Variants in UMAD1 observed in about 807,000 individuals in gnomAD.
The protein encoded by UMAD1 is UBAP1-MVB12-associated (UMA) domain containing 1.
UMAD1 carries 8 observed loss-of-function variants against 6.1 expected under a neutral mutation model. The ratio of observed to expected loss-of-function variants is 1.30; its 90% confidence interval spans 0.76 to 2.35. The LOEUF (loss-of-function observed/expected upper bound fraction) is 2.35. Among genes scored for constraint, UMAD1 ranks in the 30% most tolerant of loss-of-function variants. UMAD1 has a pLI of 0.00. For missense variants in UMAD1, 130 were observed against 78.4 expected, an observed-to-expected ratio of 1.66 and a Z score of -2.49; for synonymous variants, 56 against 31.4, an observed-to-expected ratio of 1.78 and a Z score of -2.61.
intron 2 of UMAD1, among the ~76,000 whole-genome samples, chr7:7,771,885 C>G (rs1782110752): frequency 6.6e-6 from 1 of 152,006 alleles, no homozygotes; most frequent in African/African-American, 2.4e-5. Flanking sequence ...GCAATTTTAT[C>G]CTATTCTTAA....
chr7:7,876,857 A>T (rs1784428418), intron 3 of UMAD1, among the ~76,000 whole-genome samples: 1 of 152,222 alleles, frequency 6.6e-6, no homozygotes, highest in Non-Finnish European at 1.5e-5. Context: ...GCAACACCAA[A>T]TAACATCTTA....
Position 7,701,921 on chromosome 7 carries a change from C to T in UMAD1, c.82+28468C>T, listed in dbSNP as rs538131431. Among the ~76,000 whole-genome samples, 6 of 152,320 alleles carry T rather than the reference C, an allele frequency of 3.9e-5. No homozygotes were observed. The South Asian group carries it at 1.2e-3, about 32-fold the overall frequency. ...ACCATTTCTGCCATCTCTCTGCCAT[C>T]AGCTATACCTCCCTTTTCTGTTTCT... On this transcript the variant is annotated intron_variant, in intron 2 of 3. Transcript: ENST00000682710.
intron 1 of UMAD1, among the ~76,000 whole-genome samples, chr7:7,659,069 C>G (rs943221463): frequency 2.6e-5 from 4 of 152,192 alleles, no homozygotes; most frequent in Non-Finnish European, 5.9e-5. Context: ...TCCATTTCTT[C>G]TAGATTTTCT....
intron 3 of UMAD1, among the ~76,000 whole-genome samples, chr7:7,842,049 C>T (rs1783691399): frequency 6.6e-6 from 1 of 152,304 alleles, no homozygotes; most frequent in Admixed American, 6.5e-5. Flanking sequence ...TGTACAGTGT[C>T]TCTGTCGGGT....
intron 3 of UMAD1, among the ~76,000 whole-genome samples, chr7:7,802,876 A>G (rs752907932): frequency 6.6e-6 from 1 of 152,210 alleles, no homozygotes; most frequent in African/African-American, 2.4e-5. Context: ...AGATATTTTT[A>G]TTTTTTATAT....
intron 3 of UMAD1, among the ~76,000 whole-genome samples, chr7:7,864,210 T>C (rs2348767): frequency 0.048 from 7,338 of 152,248 alleles, 465 homozygotes; most frequent in East Asian, 0.23. Context: ...GGTTGATTGA[T>C]AGAAATAAGA....
chr7:7,877,238 A>G lies in UMAD1; in HGVS notation c.157-43A>G, dbSNP rs971903355. On this transcript the variant is annotated intron_variant, in intron 3 of 3. Coordinates refer to ENST00000682710, the MANE Select transcript of UMAD1 (RefSeq NM_001302348.2). ...GCCACATTTACCGTTATTCAACCTC[A>G]AAGTTCACAAGGCCTAAATGTTTTA... is the stretch of plus-strand genomic sequence containing the variant. 3 of 690,704 alleles carry G rather than the reference A, an allele frequency of 4.3e-6. No homozygotes were observed. In the African/African-American group the frequency reaches 5.3e-5, roughly 12 times the overall value. 42.8% of individuals were successfully genotyped at this position (690,704 alleles called of 1,614,324 possible).
At chr7:7,806,609 G>A (rs889744574) in intron 3 of UMAD1, among the ~76,000 whole-genome samples, 8 of 151,238 alleles carry the variant, frequency 5.3e-5, no homozygotes, top group Non-Finnish European at 1.0e-4. Context: ...ACAGACAGTT[G>A]TATCTTTTCT....
At chr7:7,714,673 A>T (rs1426210272) in intron 2 of UMAD1, among the ~76,000 whole-genome samples, 2 of 152,094 alleles carry the variant, frequency 1.3e-5, no homozygotes, top group Non-Finnish European at 2.9e-5. Context: ...CATAAGAAAG[A>T]CTTAGAACTC....
intron 2 of UMAD1, among the ~76,000 whole-genome samples, chr7:7,734,229 G>A (rs1016289021): frequency 2.0e-5 from 3 of 152,086 alleles, no homozygotes; most frequent in African/African-American, 7.2e-5. Flanking sequence ...AGAGCTTTGA[G>A]CCCCCTGTGG....
At chr7:7,688,205 G>T (rs1410262638) in intron 2 of UMAD1, among the ~76,000 whole-genome samples, 1 of 152,126 alleles carries the variant, frequency 6.6e-6, no homozygotes, top group Non-Finnish European at 1.5e-5. Flanking sequence ...AAAATATTAA[G>T]AATTACTTTT....
In UMAD1 at chr7:7,830,659, A is replaced by G. The variant is rs1393963142; in HGVS notation, c.156+28916A>G. ...TCATTTTCCTTGTCCCAGACTTTCTATTTCAATGGTTTTCTTTATTCTAAT... is the reference window on the plus strand; with the variant it reads ...TCATTTTCCTTGTCCCAGACTTTCTGTTTCAATGGTTTTCTTTATTCTAAT... On this transcript the variant is annotated intron_variant, in intron 3 of 3. Transcript: ENST00000682710. This position sits in a 1 kb window ranked among gnomAD's most constrained non-coding sequence, Gnocchi z 5.3. Among the ~76,000 whole-genome samples the G allele has an allele frequency of 2.0e-5, 3 of 151,992 alleles. No homozygotes were observed. Among genetic ancestry groups the G allele is most frequent in the Non-Finnish European group, 4.4e-5 (3 of 67,980 alleles).
chr7:7,781,790 G>A (rs1044380279), intron 2 of UMAD1, among the ~76,000 whole-genome samples: 3 of 151,768 alleles, frequency 2.0e-5, no homozygotes, highest in Non-Finnish European at 4.4e-5. Flanking sequence ...ATACTTTTGG[G>A]TCTGTGAACA....
intron 3 of UMAD1, among the ~76,000 whole-genome samples, chr7:7,852,327 G>A (rs756169780): frequency 2.6e-4 from 40 of 152,180 alleles, no homozygotes; most frequent in Non-Finnish European, 4.8e-4. Context: ...CAGGCAATTA[G>A]TTCTGTAGAA....
chr7:7,688,763 G>A (rs1292283058), intron 2 of UMAD1, among the ~76,000 whole-genome samples: 6 of 151,970 alleles, frequency 3.9e-5, no homozygotes, highest in Non-Finnish European at 7.4e-5. Context: ...CATCTAACCC[G>A]CTGCGTATTT....
chr7:7,757,319 T>A (rs781530323), intron 2 of UMAD1, among the ~76,000 whole-genome samples: 1 of 152,222 alleles, frequency 6.6e-6, no homozygotes, highest in Non-Finnish European at 1.5e-5. Flanking sequence ...CTTTTCTCAT[T>A]TTTTAGAATG....
intron 3 of UMAD1, among the ~76,000 whole-genome samples, chr7:7,871,821 G>A (rs963030593): frequency 2.7e-5 from 4 of 148,518 alleles, no homozygotes; most frequent in Non-Finnish European, 5.9e-5. Context: ...AAGGAATTAC[G>A]TTCTCACAAA....
intron 2 of UMAD1, among the ~76,000 whole-genome samples, chr7:7,748,921 A>T (rs1781627170): frequency 6.8e-6 from 1 of 146,834 alleles, no homozygotes; most frequent in East Asian, 1.9e-4. Context: ...CACACTCCTA[A>T]TTCCCTCTTT....
intron 1 of UMAD1, among the ~76,000 whole-genome samples, chr7:7,661,957 T>C (rs116965001): frequency 0.069 from 10,535 of 152,202 alleles, 398 homozygotes; most frequent in Admixed American, 0.11. Context: ...GGAGTTTTGT[T>C]TATAAGCCCC....
Sources: gnomAD v4.1 joint callset for allele counts (sites outside exome capture counted in the v4.1 genomes callset) on GRCh38, gnomAD v4.1.1 for gene constraint, Gnocchi (gnomAD v3.1) non-coding constraint, MANE v1.5 for transcripts, NCBI Gene and HGNC (gene_info 2026-07-23, HGNC 2026-07-21) for gene names.